SLCO1C1: variants seen among roughly 807,000 people sequenced by gnomAD.
The protein encoded by SLCO1C1 is solute carrier organic anion transporter family member 1C1, also known as OAT-RP-5.
In SLCO1C1, 70 loss-of-function variants were observed where a neutral mutation model predicts 76.4. The observed-to-expected ratio is 0.92, with a 90% CI of 0.76 to 1.12. The LOEUF (loss-of-function observed/expected upper bound fraction) is 1.12, where lower values mean the gene tolerates loss of function less well. Ranked by LOEUF, SLCO1C1 falls within the 50% of genes most tolerant of loss-of-function variation. SLCO1C1 has a pLI of 0.00. For synonymous variants in SLCO1C1, 306 were observed against 286.1 expected, an observed-to-expected ratio of 1.07 and a Z score of -0.70; for missense variants, 912 against 823.8, an observed-to-expected ratio of 1.11 and a Z score of -1.31.
At chr12:20,696,320 T>C (rs1946263581) in intron 1 of SLCO1C1, among the ~76,000 whole-genome samples, 1 of 152,068 alleles carries the variant, frequency 6.6e-6, no homozygotes, top group Non-Finnish European at 1.5e-5. Context: ...GAGGTTTTCC[T>C]CACAGGAGAT....
At chr12:20,710,200 C>CTTTTTTT (rs914645913) in intron 4 of SLCO1C1, among the ~76,000 whole-genome samples, 50 of 75,474 alleles carry the variant, frequency 6.6e-4, no homozygotes, top group African/African-American at 1.1e-3. Context: ...CTCTACTTTT[C>CTTTTTTT]TTTTTTTTTT....
chr12:20,729,594 C>T (rs1285875202), intron 9 of SLCO1C1, among the ~76,000 whole-genome samples: 2 of 151,606 alleles, frequency 1.3e-5, no homozygotes, highest in Non-Finnish European at 2.9e-5. Context: ...AGTTTTGAGC[C>T]CTGGTGCCAA....
Position 20,752,315 on chromosome 12 carries a change from TC to T in SLCO1C1, c.1927del (p.Leu643TrpfsTer3). ...YDSNVFRHIY[L>X]GLTVILGTVS... ...TTCTCTCTTCTTCTAGACATATATATCTGGGACTAACTGTGATACTGGGCAC... is the reference window on the plus strand; with the variant it reads ...TTCTCTCTTCTTCTAGACATATATATTGGGACTAACTGTGATACTGGGCAC... On this transcript the variant is annotated frameshift_variant, in exon 15 of 15. Transcript: ENST00000266509. LOFTEE classifies it low-confidence loss of function (END_TRUNC). 1 of 1,582,552 alleles carries T rather than the reference TC, an allele frequency of 6.3e-7. No individual in the cohort carries two copies. Among genetic ancestry groups the T allele is most frequent in the Non-Finnish European group, 8.6e-7 (1 of 1,161,514 alleles).
intron 13 of SLCO1C1, among the ~76,000 whole-genome samples, chr12:20,746,024 A>C (rs1019259084): frequency 3.3e-5 from 5 of 152,148 alleles, no homozygotes; most frequent in East Asian, 3.9e-4. Flanking sequence ...TCTCGCAGTA[A>C]AAGCATATGG....
At chr12:20,739,919 A>G (rs1565540295) in intron 11 of SLCO1C1, among the ~76,000 whole-genome samples, 1 of 152,196 alleles carries the variant, frequency 6.6e-6, no homozygotes, top group East Asian at 1.9e-4. Context: ...CGAAGGAGGT[A>G]AGGTATGGTT....
At chr12:20,713,622 T>A (rs981495549) in intron 5 of SLCO1C1, among the ~76,000 whole-genome samples, 2 of 152,152 alleles carry the variant, frequency 1.3e-5, no homozygotes, top group African/African-American at 4.8e-5. Context: ...CTAAAGCTGA[T>A]AAGGATCTTC....
At chr12:20,722,126 T>C in intron 8 of SLCO1C1, 77 bp downstream of exon 8, 1 of 1,496,350 alleles carries the variant, frequency 6.7e-7, no homozygotes, top group Non-Finnish European at 8.9e-7. Context: ...TACATCCCTC[T>C]CTTCCCTTCG....
chr12:20,710,760 T>C (rs1433850779), intron 4 of SLCO1C1, among the ~76,000 whole-genome samples: 1 of 152,196 alleles, frequency 6.6e-6, no homozygotes, highest in Non-Finnish European at 1.5e-5. Flanking sequence ...CTACTAAATT[T>C]ACAACTCTAA....
chr12:20,719,955 G>A (rs1239094723), intron 7 of SLCO1C1, among the ~76,000 whole-genome samples: 1 of 152,190 alleles, frequency 6.6e-6, no homozygotes, highest in Non-Finnish European at 1.5e-5. Flanking sequence ...CACAGCCATA[G>A]AGGAGAAGTC....
At position 20,736,308 on chromosome 12, in the gene SLCO1C1, T is replaced by C. The variant is rs907334936; in HGVS notation, c.1383-799T>C. Among the ~76,000 whole-genome samples the C allele has an allele frequency of 4.2e-5, 6 of 144,062 alleles. 1 individual carries two copies. The South Asian group carries it at 1.2e-3, about 29-fold the overall frequency. The allele number at this position is 144,062 out of a possible 152,430, so 94.5% of individuals were successfully genotyped here. A position where few individuals can be genotyped will look rare whatever the true frequency, so the allele number is the denominator to read the frequency against. The stretch of plus-strand genomic sequence containing the variant: ...GAAAAGAAAGAATGCAATCACAATT[T>C]TGTGAAATAACTCAAAAAAACCAAT... On this transcript the variant is annotated intron_variant, in intron 10 of 14. Coordinates refer to ENST00000266509, the MANE Select transcript of SLCO1C1 (RefSeq NM_017435.5).
chr12:20,705,212 C>G (rs1424486622), intron 3 of SLCO1C1, among the ~76,000 whole-genome samples: 2 of 151,844 alleles, frequency 1.3e-5, no homozygotes, highest in Non-Finnish European at 2.9e-5. Flanking sequence ...TTTTAGAAAA[C>G]CATAATTTCT....
intron 3 of SLCO1C1, among the ~76,000 whole-genome samples, chr12:20,702,849 T>C (rs1162006970): frequency 6.6e-6 from 1 of 151,858 alleles, no homozygotes; most frequent in Non-Finnish European, 1.5e-5. Context: ...TTTCTCACTC[T>C]AGATTATTAT....
In SLCO1C1 at chr12:20,721,939, G is replaced by A. The variant is rs1189439729; in HGVS notation, c.911G>A (p.Ser304Asn). The A allele has an allele frequency of 6.2e-7, 1 of 1,614,124 alleles. No individual in the cohort carries two copies. Among genetic ancestry groups the A allele is most frequent in the African/African-American group, 1.3e-5 (1 of 75,042 alleles). Residue 304 changes from serine (S) to asparagine (N), a missense_variant, in exon 8 of 15, where the codon AGT becomes AAT. Transcript: ENST00000266509. ...CCAAAGAGTTTACCAAGATCCCAAA[G>A]TAGAGAGGATTCTAATTCTTCCTCT... ...YLPKSLPRSQSREDSNSSSEK... is the reference protein window; with the variant it reads ...YLPKSLPRSQNREDSNSSSEK...
chr12:20,741,307 T>G (rs1158293420), intron 12 of SLCO1C1, among the ~76,000 whole-genome samples: 1 of 152,180 alleles, frequency 6.6e-6, no homozygotes, highest in Admixed American at 6.5e-5. Flanking sequence ...TTTTTGCTTA[T>G]AAAACCCTAA....
chr12:20,705,624 T>TA (rs1469117257), intron 3 of SLCO1C1, among the ~76,000 whole-genome samples: 2 of 152,056 alleles, frequency 1.3e-5, no homozygotes, highest in African/African-American at 2.4e-5. Context: ...TCAAATTTAC[T>TA]AAAAAATATT....
chr12:20,727,223 G>A (rs964314310), intron 9 of SLCO1C1, among the ~76,000 whole-genome samples: 4 of 152,126 alleles, frequency 2.6e-5, no homozygotes, highest in African/African-American at 9.7e-5. Flanking sequence ...ACCCACTGAT[G>A]GGATTGCTAG....
intron 7 of SLCO1C1, 57 bp downstream of exon 7, chr12:20,717,287 T>C: frequency 7.4e-7 from 1 of 1,355,336 alleles, no homozygotes; most frequent in Non-Finnish European, 1.0e-6. Flanking sequence ...ACATTTTTAA[T>C]GGGAACAGTG....
chr12:20,717,278 C>G (rs1327864768), intron 7 of SLCO1C1, 48 bp downstream of exon 7: 13 of 1,425,906 alleles, frequency 9.1e-6, no homozygotes, highest in Non-Finnish European at 1.2e-5. Context: ...GTCACTGTAA[C>G]ATTTTTAATG....
intron 1 of SLCO1C1, among the ~76,000 whole-genome samples, chr12:20,698,647 A>G (rs1275299134): frequency 6.6e-6 from 1 of 152,082 alleles, no homozygotes; most frequent in African/African-American, 2.4e-5. Flanking sequence ...TTCCTTTAGG[A>G]ATAACATTAT....
Sources: allele counts gnomAD v4.1 joint callset (sites outside exome capture counted in the v4.1 genomes callset), GRCh38; gene constraint gnomAD v4.1.1; transcripts MANE v1.5; gene names NCBI Gene and HGNC (gene_info 2026-07-23, HGNC 2026-07-21).